Variants in DTNA observed in about 807,000 individuals in gnomAD.
The protein encoded by DTNA is dystrobrevin alpha.
In DTNA, 43 loss-of-function variants were observed where a neutral mutation model predicts 100.7. The ratio of observed to expected loss-of-function variants is 0.43; its 90% CI spans 0.33 to 0.55. The LOEUF (loss-of-function observed/expected upper bound fraction) is 0.55, where lower values mean the gene tolerates loss of function less well. Among genes scored for constraint, DTNA ranks in the 20% least tolerant of loss-of-function variants. The probability of loss-of-function intolerance (pLI) is 0.04; values close to 1 mark genes in which losing one functional copy is unlikely to be tolerated. For synonymous variants in DTNA, 349 were observed against 347.9 expected, an observed-to-expected ratio of 1.00 and a Z score of -0.04; for missense variants, 798 against 953.9, an observed-to-expected ratio of 0.84 and a Z score of 2.15.
chr18:34,597,463 TCCACACCCTCA>T (rs1451408743), intron 1 of DTNA, among the ~76,000 whole-genome samples: 1 of 152,110 alleles, frequency 6.6e-6, no homozygotes, highest in Non-Finnish European at 1.5e-5. Context: ...CTAAGCTCCA[TCCACACCCTCA>T]CCCTGCCACT....
chr18:34,851,988 T>TGGTC, intron 15 of DTNA, 60 bp downstream of exon 15: 1 of 1,555,480 alleles, frequency 6.4e-7, no homozygotes. Context: ...TAATAAACTA[T>TGGTC]GGTCGTGCTT....
intron 11 of DTNA, among the ~76,000 whole-genome samples, chr18:34,835,848 G>C (rs1459448554): frequency 3.3e-5 from 5 of 152,246 alleles, no homozygotes; most frequent in Non-Finnish European, 7.3e-5. Context: ...TTCAGCATGA[G>C]AGGTTGTCCC....
chr18:34,688,828 G>C (rs1354064803), intron 1 of DTNA, among the ~76,000 whole-genome samples: 1 of 152,020 alleles, frequency 6.6e-6, no homozygotes, highest in Non-Finnish European at 1.5e-5. Context: ...TTTCTTGGAG[G>C]CTTTGTTTGT....
chr18:34,693,661 A>G (rs980325218), intron 1 of DTNA, among the ~76,000 whole-genome samples: 6 of 152,126 alleles, frequency 3.9e-5, no homozygotes, highest in African/African-American at 1.4e-4. Context: ...ACCAAATATC[A>G]GGAACTTTCC....
intron 13 of DTNA, among the ~76,000 whole-genome samples, chr18:34,843,821 G>C (rs764292033): frequency 2.0e-5 from 3 of 151,922 alleles, no homozygotes; most frequent in Non-Finnish European, 2.9e-5. Context: ...TAATGTGTAG[G>C]TCAAGATTTG....
chr18:34,721,820 C>T (rs1239731905), intron 1 of DTNA, among the ~76,000 whole-genome samples: 3 of 152,178 alleles, frequency 2.0e-5, no homozygotes, highest in East Asian at 1.9e-4. Flanking sequence ...CCTTCCCTTA[C>T]CTGACATTGC....
At chr18:34,496,190 C>T (rs2039179387) in intron 1 of DTNA, among the ~76,000 whole-genome samples, 1 of 136,768 alleles carries the variant, frequency 7.3e-6, no homozygotes, top group Admixed American at 7.8e-5. Context: ...CAGTGGTTAA[C>T]CATCCCCTCC....
At chr18:34,689,210 G>A (rs1170765416) in intron 1 of DTNA, among the ~76,000 whole-genome samples, 3 of 152,082 alleles carry the variant, frequency 2.0e-5, no homozygotes, top group Admixed American at 1.3e-4. Flanking sequence ...GTGATCCTTT[G>A]GAGAAGAGGC....
chr18:34,877,783 C>T lies in DTNA; in HGVS notation c.1968C>T (p.Ser656=), dbSNP rs1288607011. 3.1e-6 allele frequency: 5 copies of T among 1,613,798 alleles called. No individual in the cohort carries two copies. Among genetic ancestry groups the T allele is most frequent in the Non-Finnish European group, 4.2e-6 (5 of 1,179,904 alleles). The change falls in exon 19 of 23, where the codon TCC becomes TCT. Residue 656 remains serine, a synonymous_variant. Transcript: ENST00000444659. ...CAGATTCCATCACTAACACTATGTCCTCTCTTGTGAAAGAGCTGAATTCTG... is the reference window on the plus strand; with the variant it reads ...CAGATTCCATCACTAACACTATGTCTTCTCTTGTGAAAGAGCTGAATTCTG... The part of the protein sequence containing the change: ...VAADSITNTM[S]SLVKELNSEV...
chr18:34,742,660 T>TATCTATCTAGATAGATAATAG (rs2090909197), intron 1 of DTNA, among the ~76,000 whole-genome samples: 1 of 151,830 alleles, frequency 6.6e-6, no homozygotes, highest in Admixed American at 6.6e-5. Context: ...ATAGATAATC[T>TATCTATCTAGATAGATAATAG]ATTATCTATC....
At chr18:34,494,352 G>A (rs1397485866) in intron 1 of DTNA, among the ~76,000 whole-genome samples, 1 of 150,886 alleles carries the variant, frequency 6.6e-6, no homozygotes, top group African/African-American at 2.4e-5. Context: ...AGTGGGCTCC[G>A]GGCCCCGGGG....
intron 1 of DTNA, among the ~76,000 whole-genome samples, chr18:34,590,096 A>G (rs1263662678): frequency 6.6e-6 from 1 of 152,160 alleles, no homozygotes; most frequent in African/African-American, 2.4e-5. Context: ...GAGTTGATGT[A>G]TTTCCTTTGG....
At chr18:34,504,592 G>C (rs1295559799) in intron 1 of DTNA, among the ~76,000 whole-genome samples, 1 of 152,046 alleles carries the variant, frequency 6.6e-6, no homozygotes, top group Non-Finnish European at 1.5e-5. Context: ...CTTCCTGAAG[G>C]ATTTTCACTG....
At chr18:34,828,647 T>C (rs1407178409) in intron 10 of DTNA, among the ~76,000 whole-genome samples, 1 of 152,182 alleles carries the variant, frequency 6.6e-6, no homozygotes, top group Non-Finnish European at 1.5e-5. Flanking sequence ...AACAGGAACC[T>C]GAGATGAAGA....
chr18:34,797,074 A>C (rs2095007740), intron 4 of DTNA, among the ~76,000 whole-genome samples: 1 of 152,186 alleles, frequency 6.6e-6, no homozygotes, highest in South Asian at 2.1e-4. Context: ...ACATCTGTAG[A>C]TGATTTGTAC....
chr18:34,774,714 A>G (rs2093955361), intron 3 of DTNA, among the ~76,000 whole-genome samples: 1 of 152,212 alleles, frequency 6.6e-6, no homozygotes, highest in Non-Finnish European at 1.5e-5. Flanking sequence ...TTTCATTTTC[A>G]ATATATCACT....
intron 1 of DTNA, among the ~76,000 whole-genome samples, chr18:34,503,341 G>A (rs2040144490): frequency 7.6e-6 from 1 of 131,128 alleles, no homozygotes; most frequent in Non-Finnish European, 1.5e-5. Context: ...AGGCTGGAGT[G>A]CAGTGGTGCA....
chr18:34,623,395 C>CA (rs2056840050), intron 1 of DTNA, among the ~76,000 whole-genome samples: 1 of 152,194 alleles, frequency 6.6e-6, no homozygotes, highest in South Asian at 2.1e-4. Context: ...AATTTTCTAG[C>CA]AGATAGAAGT....
chr18:34,702,455 A>G, intron 1 of DTNA, among the ~76,000 whole-genome samples: 1 of 152,208 alleles, frequency 6.6e-6, no homozygotes, highest in East Asian at 1.9e-4. Context: ...TCATAAGACA[A>G]CTGCTAGATT....
Sources: gnomAD v4.1 joint callset for allele counts (sites outside exome capture counted in the v4.1 genomes callset) on GRCh38, gnomAD v4.1.1 for gene constraint, MANE v1.5 for transcripts, NCBI Gene and HGNC (gene_info 2026-07-23, HGNC 2026-07-21) for gene names.